Variants in ITSN1 observed in about 807,000 individuals in gnomAD.
ITSN1 encodes the protein intersectin-1.
In ITSN1, 58 loss-of-function variants were observed where a neutral mutation model predicts 239.8. The ratio of observed to expected loss-of-function variants is 0.24; its 90% confidence interval spans 0.20 to 0.30. The LOEUF (loss-of-function observed/expected upper bound fraction) is 0.30, where lower values mean the gene tolerates loss of function less well. Ranked by LOEUF, ITSN1 falls within the 10% of genes least tolerant of loss-of-function variation. The pLI is 1.00. For synonymous variants in ITSN1, 780 were observed against 770.8 expected, an observed-to-expected ratio of 1.01 and a Z score of -0.20; for missense variants, 1,558 against 2,103.3, an observed-to-expected ratio of 0.74 and a Z score of 5.07.
chr21:33,714,557 A>C (rs2092513974), intron 1 of ITSN1, among the ~76,000 whole-genome samples: 1 of 152,226 alleles, frequency 6.6e-6, no homozygotes, highest in African/African-American at 2.4e-5. Context: ...CATAAGAGTT[A>C]TATTTATGTT....
At chr21:33,650,704 G>T (rs1239569826) in intron 1 of ITSN1, among the ~76,000 whole-genome samples, 1 of 152,202 alleles carries the variant, frequency 6.6e-6, no homozygotes, top group Non-Finnish European at 1.5e-5. Context: ...GGCCACTGAT[G>T]AATGAAAGCT....
intron 30 of ITSN1, 63 bp from the exon 31 acceptor site, chr21:33,858,623 C>A (rs542082631): frequency 9.8e-7 from 1 of 1,024,096 alleles, no homozygotes; most frequent in Admixed American, 1.7e-5. Context: ...AGCGGATCGG[C>A]GTGTGAGTGT....
intron 1 of ITSN1, among the ~76,000 whole-genome samples, chr21:33,682,512 C>T (rs1397068034): frequency 4.6e-5 from 7 of 150,730 alleles, no homozygotes; most frequent in Admixed American, 4.6e-4. Context: ...ACATAGTGCC[C>T]AGCCTCTTTC....
intron 19 of ITSN1, among the ~76,000 whole-genome samples, chr21:33,800,608 G>A (rs375040973): frequency 6.6e-6 from 1 of 151,988 alleles, no homozygotes; most frequent in African/African-American, 2.4e-5. Flanking sequence ...CTTTGTTATT[G>A]TTTCTTTCCT....
At position 33,802,934 on chromosome 21, in the gene ITSN1, T is replaced by C. The variant is rs553817942; in HGVS notation, c.2319+490T>C. 7.2e-5 allele frequency among the ~76,000 whole-genome samples: 11 copies of C among 152,332 alleles called. No homozygotes were observed. In the South Asian group the frequency reaches 2.3e-3, roughly 32 times the overall value. On this transcript the variant is annotated intron_variant, in intron 20 of 39. Transcript: ENST00000381318. ...AAAATATATGAGACCAAGGGTTACATAAAGGGTTACCCCTGTTACATAAAG... is the reference window on the plus strand; with the variant it reads ...AAAATATATGAGACCAAGGGTTACACAAAGGGTTACCCCTGTTACATAAAG...
chr21:33,792,986 C>T lies in ITSN1; in HGVS notation c.1825-1355C>T, dbSNP rs567347216. 2.6e-5 allele frequency among the ~76,000 whole-genome samples: 4 copies of T among 152,132 alleles called. No individual in the cohort carries two copies. In the South Asian group the frequency reaches 8.4e-4, roughly 32 times the overall value. On this transcript the variant is annotated intron_variant, in intron 16 of 39. Coordinates refer to ENST00000381318, the MANE Select transcript of ITSN1 (RefSeq NM_003024.3). ...ACCTTCCTCTTCCTAAGTACCTCCC[C>T]CCAGACCCCTATCTCCAGTTAAACT... is the stretch of plus-strand genomic sequence containing the variant.
At chr21:33,876,053 G>C (rs565302310) in intron 34 of ITSN1, among the ~76,000 whole-genome samples, 1 of 72,492 alleles carries the variant, frequency 1.4e-5, no homozygotes, top group African/African-American at 6.2e-5. Flanking sequence ...CCTGTCTGCT[G>C]ATTTCTTTCT....
intron 29 of ITSN1, among the ~76,000 whole-genome samples, chr21:33,855,005 G>A (rs1979047301): frequency 6.6e-6 from 1 of 152,116 alleles, no homozygotes; most frequent in Admixed American, 6.6e-5. Flanking sequence ...ACCAAGGGCT[G>A]GAAGCACCAC....
intron 20 of ITSN1, among the ~76,000 whole-genome samples, chr21:33,808,097 G>A (rs2072604983): frequency 6.6e-6 from 1 of 151,898 alleles, no homozygotes; most frequent in Non-Finnish European, 1.5e-5. Context: ...TGAGGCAGGA[G>A]AATGGCATGA....
Position 33,794,471 on chromosome 21 carries a change from G to A in ITSN1, c.1952+3G>A, listed in dbSNP as rs1160533687. On this transcript the variant is annotated splice_donor_region_variant and intron_variant, in intron 17 of 39. Coordinates refer to ENST00000381318, the MANE Select transcript of ITSN1 (RefSeq NM_003024.3). ...AAACAAAAAGAAGAAGCCCAAAGGTGAGTCTTCTTTGGATTGTGGACTCAT... is the reference window on the plus strand; with the variant it reads ...AAACAAAAAGAAGAAGCCCAAAGGTAAGTCTTCTTTGGATTGTGGACTCAT... 4 of 1,609,558 alleles carry A rather than the reference G, an allele frequency of 2.5e-6. No homozygotes were observed. In the African/African-American group the frequency reaches 5.4e-5, roughly 22 times the overall value.
At chr21:33,740,891 C>A (rs1415688773) in intron 5 of ITSN1, among the ~76,000 whole-genome samples, 3 of 151,688 alleles carry the variant, frequency 2.0e-5, no homozygotes, top group African/African-American at 4.9e-5. Flanking sequence ...ATAGTGAGAT[C>A]CTATTTATAT....
chr21:33,847,281 C>T (rs2075015823), intron 29 of ITSN1, among the ~76,000 whole-genome samples: 1 of 152,196 alleles, frequency 6.6e-6, no homozygotes, highest in African/African-American at 2.4e-5. Context: ...CAGAGAAGGC[C>T]TGGCTGCCTT....
intron 1 of ITSN1, among the ~76,000 whole-genome samples, chr21:33,718,097 C>A (rs924926371): frequency 9.2e-5 from 14 of 152,104 alleles, no homozygotes; most frequent in East Asian, 1.9e-4. Context: ...AATCACGTAC[C>A]CTTTCTGATT....
At chr21:33,881,884 C>T (rs1160866768) in intron 34 of ITSN1, among the ~76,000 whole-genome samples, 2 of 146,876 alleles carry the variant, frequency 1.4e-5, no homozygotes, top group Non-Finnish European at 3.0e-5. Context: ...GAGGTCAAGG[C>T]TACCTGAACT....
At position 33,858,682 on chromosome 21, in the gene ITSN1, G is replaced by A; in HGVS notation, c.3784-4G>A. 9 of 1,598,292 alleles carry A rather than the reference G, an allele frequency of 5.6e-6. No individual in the cohort carries two copies. The highest frequency in any genetic ancestry group is 7.7e-6 in the Non-Finnish European group (9 of 1,166,760). ...CTGAACTGCTTCGTTTTCTGCATCT[G>A]TAGATTTTTCAAAAACCCCTGATGG... On this transcript the variant is annotated splice_polypyrimidine_tract_variant and splice_region_variant and intron_variant, in intron 30 of 39. Coordinates refer to ENST00000381318, the MANE Select transcript of ITSN1 (RefSeq NM_003024.3).
chr21:33,781,718 A>G (rs2070201011), intron 15 of ITSN1, among the ~76,000 whole-genome samples, 170 bp downstream of exon 15: 1 of 152,132 alleles, frequency 6.6e-6, no homozygotes, highest in South Asian at 2.1e-4. Flanking sequence ...AGCTGGGACT[A>G]CAGGTGCATG....
chr21:33,729,996 A>G (rs913735648), intron 4 of ITSN1, among the ~76,000 whole-genome samples: 1 of 152,200 alleles, frequency 6.6e-6, no homozygotes, highest in African/African-American at 2.4e-5. Context: ...GAGGACATAT[A>G]AAGTACTATG....
At chr21:33,783,330 G>A (rs2070361408) in intron 16 of ITSN1, among the ~76,000 whole-genome samples, 1 of 152,182 alleles carries the variant, frequency 6.6e-6, no homozygotes, top group South Asian at 2.1e-4. Context: ...TGAGATTCTA[G>A]GCCAAATTGT....
chr21:33,812,472 A>G (rs1307953443), intron 21 of ITSN1, among the ~76,000 whole-genome samples: 1 of 152,198 alleles, frequency 6.6e-6, no homozygotes, highest in African/African-American at 2.4e-5. Context: ...GCAGTCACAC[A>G]GACATGTTTA....
Sources: gnomAD v4.1 joint callset for allele counts (sites outside exome capture counted in the v4.1 genomes callset) on GRCh38, gnomAD v4.1.1 for gene constraint, MANE v1.5 for transcripts, NCBI Gene and HGNC (gene_info 2026-07-23, HGNC 2026-07-21) for gene names.